Variants in TMC5 observed in about 807,000 individuals in gnomAD.
The protein encoded by TMC5 is transmembrane channel-like protein 5.
Under a neutral mutation model 110.5 loss-of-function variants are expected in TMC5, and 86 were observed. The ratio of observed to expected loss-of-function variants is 0.78; its 90% CI spans 0.65 to 0.93. The LOEUF (loss-of-function observed/expected upper bound fraction) is 0.93. TMC5 is among the 40% of genes least tolerant of loss of function. The probability of loss-of-function intolerance (pLI) is 0.00; values close to 1 mark genes in which losing one functional copy is unlikely to be tolerated. For missense variants in TMC5, 1,144 were observed against 1,222.8 expected (o/e 0.94, Z 0.96); for synonymous variants, 455 against 439.5 (o/e 1.04, Z -0.44).
chr16:19,440,398 A>G lies in TMC5; in HGVS notation c.360A>G (p.Arg120=). The G allele has an allele frequency of 6.2e-7, 1 of 1,614,096 alleles. No homozygotes were observed. The highest frequency in any genetic ancestry group is 1.3e-5 in the African/African-American group (1 of 75,026). ...AATTTCAGAGTCATCCCTACCACCG[A>G]GCATCATCCAGACAACCAGACTACC... ...YSEFQSHPYH[R]ASSRQPDYPG... The change falls in exon 3 of 22, where the codon CGA becomes CGG. Residue 120 remains arginine (R), a synonymous_variant. Transcript: ENST00000542583.
chr16:19,493,466 T>TCTCTCTCTCTCTTTC (rs563230178), intron 19 of TMC5, among the ~76,000 whole-genome samples: 1 of 124,494 alleles, frequency 8.0e-6, no homozygotes, highest in Non-Finnish European at 1.6e-5. Flanking sequence ...TCTCTCTCTC[T>TCTCTCTCTCTCTTTC]TTTTTTTTTT....
In TMC5 at chr16:19,471,920, C is replaced by T. The variant is rs181417902; in HGVS notation, c.1783-168C>T. The stretch of plus-strand genomic sequence containing the variant: ...GGATTACAGGCATGCACCACCACGC[C>T]CGGCTAATTTTTGTATTTTTGGTAG... On this transcript the variant is annotated intron_variant, in intron 10 of 21. Coordinates refer to ENST00000542583, the MANE Select transcript of TMC5 (RefSeq NM_001261841.2). Among the ~76,000 whole-genome samples the T allele has an allele frequency of 2.0e-5, 3 of 152,234 alleles. No individual in the cohort carries two copies. The East Asian group carries it at 5.8e-4, about 29-fold the overall frequency.
At chr16:19,418,545 C>T (rs752683497) in intron 1 of TMC5, among the ~76,000 whole-genome samples, 3 of 151,954 alleles carry the variant, frequency 2.0e-5, no homozygotes, top group Admixed American at 6.6e-5. Flanking sequence ...TAGAAGAATG[C>T]TTTGTTGGAT....
At chr16:19,434,108 T>A (rs867008624) in intron 2 of TMC5, among the ~76,000 whole-genome samples, 1 of 2,948 alleles carries the variant, frequency 3.4e-4, no homozygotes, top group Non-Finnish European at 5.3e-4. Context: ...ATATATATAT[T>A]ATATATATAT....
intron 19 of TMC5, among the ~76,000 whole-genome samples, chr16:19,493,470 T>C (rs113519109): frequency 6.6e-6 from 1 of 151,394 alleles, no homozygotes; most frequent in African/African-American, 2.4e-5. Context: ...TCTCTCTTTT[T>C]TTTTTTTTGA....
Position 19,463,950 on chromosome 16 carries a change from A to G in TMC5, c.1411A>G (p.Ile471Val). Residue 471 changes from isoleucine to valine, a missense_variant, in exon 8 of 22, where the codon ATC becomes GTC. By Grantham distance (29) the Ile-to-Val change is conservative. Transcript: ENST00000542583. ...IFSFILNFSF[I>V]IIPQFTVAKK... is the part of the protein sequence containing the mutation. ...CTCATTCATCCTGAACTTCAGCTTCATCATAATCCCTCAGTTTACCGTGGC... is the reference window on the plus strand; with the variant it reads ...CTCATTCATCCTGAACTTCAGCTTCGTCATAATCCCTCAGTTTACCGTGGC... The G allele has an allele frequency of 6.2e-7, 1 of 1,614,174 alleles. No individual in the cohort carries two copies. Among genetic ancestry groups the G allele is most frequent in the South Asian group, 1.1e-5 (1 of 91,084 alleles).
At chr16:19,439,429 G>C (rs1967429761) in intron 2 of TMC5, among the ~76,000 whole-genome samples, 1 of 152,046 alleles carries the variant, frequency 6.6e-6, no homozygotes, top group African/African-American at 2.4e-5. Flanking sequence ...TGGTTCACTG[G>C]TCCCCTCCCC....
At chr16:19,477,349 C>G in intron 12 of TMC5, 91 bp from the exon 13 acceptor site, 1 of 978,200 alleles carries the variant, frequency 1.0e-6, no homozygotes, top group Admixed American at 1.8e-5. Flanking sequence ...CCAGGAATTT[C>G]TATCTTACCA....
chr16:19,428,037 A>G (rs1393155704), intron 1 of TMC5, among the ~76,000 whole-genome samples: 1 of 152,214 alleles, frequency 6.6e-6, no homozygotes, highest in Non-Finnish European at 1.5e-5. Context: ...ACAAAGTAGC[A>G]TTAATCAAGT....
Position 19,463,931 on chromosome 16 carries a change from C to T in TMC5, c.1392C>T (p.Phe464=). The T allele has an allele frequency of 6.2e-7, 1 of 1,614,184 alleles. No homozygotes were observed. Among genetic ancestry groups the T allele is most frequent in the Non-Finnish European group, 8.5e-7 (1 of 1,180,026 alleles). ...RWLLKFNIFS[F]ILNFSFIIIP... ...TTTTGAAGTTCAACATTTTCTCATT[C>T]ATCCTGAACTTCAGCTTCATCATAA... Residue 464 remains phenylalanine (F), a synonymous_variant, in exon 8 of 22, where the codon TTC becomes TTT. Transcript: ENST00000542583.
intron 1 of TMC5, among the ~76,000 whole-genome samples, chr16:19,412,648 G>T (rs997282025): frequency 6.6e-6 from 1 of 152,128 alleles, no homozygotes; most frequent in African/African-American, 2.4e-5. Context: ...GATTACAGGC[G>T]TGAGCCACCG....
At chr16:19,446,012 C>T (rs773098587) in intron 4 of TMC5, among the ~76,000 whole-genome samples, 4 of 136,448 alleles carry the variant, frequency 2.9e-5, no homozygotes, top group Non-Finnish European at 6.0e-5. Flanking sequence ...GAGACCCTGT[C>T]GCAAAAAAAG....
At chr16:19,448,662 ATATTT>A (rs1455578458) in intron 4 of TMC5, among the ~76,000 whole-genome samples, 9 of 138,028 alleles carry the variant, frequency 6.5e-5, no homozygotes, top group African/African-American at 1.1e-4. Context: ...TTTTTATATT[ATATTT>A]TATATTAAAA....
chr16:19,439,810 G>A (rs1967438181), intron 2 of TMC5, 150 bp from the exon 3 acceptor site: 5 of 509,990 alleles, frequency 9.8e-6, no homozygotes, highest in East Asian at 6.5e-5. Flanking sequence ...ATACCTTGGT[G>A]CAAGAGAATC....
chr16:19,430,010 T>C (rs1967164024), intron 1 of TMC5, among the ~76,000 whole-genome samples: 2 of 151,896 alleles, frequency 1.3e-5, no homozygotes. Context: ...ACATACCTTT[T>C]TGAGGGGATG....
chr16:19,431,121 G>C (rs1967186767), intron 2 of TMC5, among the ~76,000 whole-genome samples: 1 of 152,178 alleles, frequency 6.6e-6, no homozygotes, highest in Non-Finnish European at 1.5e-5. Flanking sequence ...AATTTTAACT[G>C]TGGGTCTTAA....
chr16:19,495,584 C>T (rs1258724071), intron 20 of TMC5, among the ~76,000 whole-genome samples: 4 of 152,044 alleles, frequency 2.6e-5, no homozygotes, highest in South Asian at 2.1e-4. Flanking sequence ...ATTTTTTGTG[C>T]GTTTATAATC....
intron 12 of TMC5, chr16:19,474,824 C>T (rs1968446106): frequency 6.5e-6 from 1 of 152,730 alleles, no homozygotes; most frequent in African/African-American, 2.4e-5. Flanking sequence ...CACAAAGGCT[C>T]CTGGGCTGAG....
intron 1 of TMC5, among the ~76,000 whole-genome samples, chr16:19,418,889 G>A (rs1056156599): frequency 3.9e-5 from 6 of 151,922 alleles, no homozygotes; most frequent in African/African-American, 1.2e-4. Flanking sequence ...CACCATGCCC[G>A]CCTACCTTTT....
Sources: allele counts gnomAD v4.1 joint callset (sites outside exome capture counted in the v4.1 genomes callset), GRCh38; gene constraint gnomAD v4.1.1; transcripts MANE v1.5; gene names NCBI Gene and HGNC (gene_info 2026-07-23, HGNC 2026-07-21).